PTPN9: variants seen among roughly 807,000 people sequenced by gnomAD.
PTPN9 encodes protein tyrosine phosphatase non-receptor type 9.
A neutral mutation model predicts 69.8 loss-of-function variants in PTPN9; 26 were observed. The observed-to-expected ratio is 0.37, with a 90% CI of 0.27 to 0.52. The LOEUF is 0.52. Ranked by LOEUF, PTPN9 falls within the 20% of genes least tolerant of loss-of-function variation. PTPN9 has a pLI of 0.91. For missense variants in PTPN9, 549 were observed against 740.3 expected (o/e 0.74, Z 3.00); for synonymous variants, 274 against 272.5 (o/e 1.01, Z -0.05).
intron 1 of PTPN9, among the ~76,000 whole-genome samples, chr15:75,534,162 C>T (rs749295264): frequency 3.3e-5 from 5 of 152,162 alleles, no homozygotes; most frequent in Non-Finnish European, 5.9e-5. Flanking sequence ...GAATGAGAAA[C>T]GGATGGAAGA....
chr15:75,508,973 A>C lies in PTPN9; in HGVS notation c.583T>G (p.Phe195Val), dbSNP rs1244773383. The C allele has an allele frequency of 1.2e-6, 2 of 1,614,140 alleles. No homozygotes were observed. Among genetic ancestry groups the C allele is most frequent in the South Asian group, 2.2e-5 (2 of 91,074 alleles). The change falls in exon 6 of 13, where the codon TTC becomes GTC. Residue 195 changes from phenylalanine (F) to valine (V), a missense_variant. This residue lies in a region of PTPN9 where 457 missense variants were observed against 661.9 expected (regional missense o/e 0.69). Coordinates refer to ENST00000618819, the MANE Select transcript of PTPN9 (RefSeq NM_002833.4). ...KVLIVGAPIWFRVPYSIISLL... is the reference protein window; with the variant it reads ...KVLIVGAPIWVRVPYSIISLL... The stretch of plus-strand genomic sequence containing the variant: ...CTGATGATGGAATAGGGCACTCGGA[A>C]CCATATGGGTGCCCCCACAATCAGC...
At chr15:75,552,130 G>A (rs552255146) in intron 1 of PTPN9, among the ~76,000 whole-genome samples, 20 of 152,144 alleles carry the variant, frequency 1.3e-4, no homozygotes, top group Admixed American at 2.6e-4. Flanking sequence ...CGGGCACGGC[G>A]GCTCACGTCT....
intron 1 of PTPN9, among the ~76,000 whole-genome samples, chr15:75,539,703 CCT>C (rs1250134287): frequency 4.0e-5 from 6 of 149,252 alleles, no homozygotes; most frequent in African/African-American, 7.4e-5. Flanking sequence ...ATAGAATCTC[CCT>C]CTGTCACCCA....
intron 4 of PTPN9, among the ~76,000 whole-genome samples, chr15:75,522,185 CTG>C (rs2074908231): frequency 6.6e-6 from 1 of 152,138 alleles, no homozygotes; most frequent in Non-Finnish European, 1.5e-5. Context: ...CATATGATGA[CTG>C]TAAAAAACTT....
At chr15:75,577,675 C>T (rs2075179624) in intron 1 of PTPN9, among the ~76,000 whole-genome samples, 1 of 152,204 alleles carries the variant, frequency 6.6e-6, no homozygotes, top group Non-Finnish European at 1.5e-5. Context: ...ACACTAGAGG[C>T]TGTGCTAGCA....
chr15:75,496,482 C>T (rs974652027), intron 7 of PTPN9, among the ~76,000 whole-genome samples: 2 of 145,792 alleles, frequency 1.4e-5, no homozygotes, highest in Non-Finnish European at 3.0e-5. Flanking sequence ...ATAAAAGTCA[C>T]TAAAAGTATT....
At chr15:75,542,116 G>C (rs1293573612) in intron 1 of PTPN9, among the ~76,000 whole-genome samples, 1 of 152,068 alleles carries the variant, frequency 6.6e-6, no homozygotes, top group Non-Finnish European at 1.5e-5. Context: ...ATGTATATTG[G>C]GAACTCAGAA....
In PTPN9 at chr15:75,496,497, AC is replaced by A. The variant is rs776301698; in HGVS notation, c.969-6197del. Among the ~76,000 whole-genome samples, 27 of 147,606 alleles carry A rather than the reference AC, an allele frequency of 1.8e-4. 3 individuals are homozygous for A. Among genetic ancestry groups the A allele is most frequent in the Admixed American group, 2.7e-4 (4 of 14,822 alleles). ...ATAAAAGTCACTAAAAGTATTATTA[AC>A]TTTTTTTTTTTTTTTTGAGACAGGG... On this transcript the variant is annotated intron_variant, in intron 7 of 12. Coordinates refer to ENST00000618819, the MANE Select transcript of PTPN9 (RefSeq NM_002833.4).
At position 75,466,000 on chromosome 15, in the gene PTPN9, G is replaced by A. The variant is rs1287344067; in HGVS notation, c.*2769C>T. 6.6e-6 allele frequency: 1 copy of A among 152,204 alleles called. No individual in the cohort carries two copies. The highest frequency in any genetic ancestry group is 1.5e-5 in the Non-Finnish European group (1 of 68,028). 9.4% of individuals were successfully genotyped at this position (152,204 alleles called of 1,614,324 possible). On this transcript the variant is annotated 3_prime_UTR_variant, in exon 13 of 13. Transcript: ENST00000618819. ...GGAGGCTCATCTGGAGAAGGAACTA[G>A]ATTAATCTTCTGCTCTACACTTGAG... is the stretch of plus-strand genomic sequence containing the variant.
rs775109400 is a variant in PTPN9, at chr15:75,471,844, G to A, written c.1209-1014C>T. 1.4e-3 allele frequency among the ~76,000 whole-genome samples: 211 copies of A among 151,934 alleles called. 1 individual carries two copies. The highest frequency in any genetic ancestry group is 1.7e-3 in the Non-Finnish European group (115 of 67,950). On this transcript the variant is annotated intron_variant, in intron 10 of 12. Transcript: ENST00000618819. ...GCAGAATAGCTTCAACCTGGGAGGC[G>A]GAGGTTGCAGTGAGCTGAGATCGCA...
rs190387381 is a variant in PTPN9, at chr15:75,554,448, C to T, written c.63+24266G>A. On this transcript the variant is annotated intron_variant, in intron 1 of 12. Transcript: ENST00000618819. ...ACCTCAGGTGATCCGCCCGCCTCAGCCTTCCCAAGTGCCAGAATTACAGGC... is the reference window on the plus strand; with the variant it reads ...ACCTCAGGTGATCCGCCCGCCTCAGTCTTCCCAAGTGCCAGAATTACAGGC... 3.0e-3 allele frequency among the ~76,000 whole-genome samples: 462 copies of T among 152,132 alleles called. 1 individual carries two copies. The highest frequency in any genetic ancestry group is 0.01 in the African/African-American group (434 of 41,538).
At chr15:75,491,081 C>A (rs1012159032) in intron 7 of PTPN9, among the ~76,000 whole-genome samples, 3 of 151,946 alleles carry the variant, frequency 2.0e-5, no homozygotes, top group Admixed American at 6.6e-5. Flanking sequence ...TGCACACCAG[C>A]CTGGGTGACG....
intron 1 of PTPN9, 137 bp downstream of exon 1, chr15:75,578,577 G>C: frequency 3.0e-6 from 2 of 658,092 alleles, no homozygotes; most frequent in Non-Finnish European, 4.2e-6. Flanking sequence ...TCGCCGGTGA[G>C]GGAGGCCCGC....
chr15:75,487,536 T>C (rs1212017498), intron 8 of PTPN9: 1 of 152,204 alleles, frequency 6.6e-6, no homozygotes, highest in East Asian at 1.9e-4. Flanking sequence ...GTGTCTGATA[T>C]GTGGCAGGCA....
chr15:75,556,236 G>C (rs2075076780), intron 1 of PTPN9, among the ~76,000 whole-genome samples: 1 of 151,098 alleles, frequency 6.6e-6, no homozygotes, highest in African/African-American at 2.4e-5. Flanking sequence ...GCTAATTTTT[G>C]TATTTTTAGT....
At position 75,524,260 on chromosome 15, in the gene PTPN9, A is replaced by C. The variant is rs1249483192; in HGVS notation, c.246T>G (p.Pro82=). 1 of 1,612,838 alleles carries C rather than the reference A, an allele frequency of 6.2e-7. No individual in the cohort carries two copies. The highest frequency in any genetic ancestry group is 8.5e-7 in the Non-Finnish European group (1 of 1,179,104). The change falls in exon 3 of 13, where the codon CCT becomes CCG. Residue 82 remains proline, a synonymous_variant. Transcript: ENST00000618819. ...TCTCAGAACGAAGAGGTTCCTCATGAGGTTTCAGCTTTACAATGCCTTCCT... is the reference window on the plus strand; with the variant it reads ...TCTCAGAACGAAGAGGTTCCTCATGCGGTTTCAGCTTTACAATGCCTTCCT... ...RRKEGIVKLK[P]HEEPLRSEIL... is the part of the protein sequence containing the mutation.
At chr15:75,503,648 C>T (rs2074790527) in intron 7 of PTPN9, among the ~76,000 whole-genome samples, 1 of 62,556 alleles carries the variant, frequency 1.6e-5, no homozygotes, top group South Asian at 5.5e-4. Context: ...TGAGGGGCGC[C>T]TCTGCCCAGC....
chr15:75,470,063 CT>C, intron 11 of PTPN9, 64 bp from the exon 12 acceptor site: 1 of 1,440,364 alleles, frequency 6.9e-7, no homozygotes, highest in Non-Finnish European at 9.6e-7. Context: ...CTACCTCTGG[CT>C]TTTCCAGATT....
At chr15:75,507,595 G>A (rs374371147) in intron 6 of PTPN9, among the ~76,000 whole-genome samples, 4 of 151,600 alleles carry the variant, frequency 2.6e-5, no homozygotes, top group Non-Finnish European at 4.4e-5. Flanking sequence ...GTGAAACTCC[G>A]TCTCTACTAA....
Sources: allele counts gnomAD v4.1 joint callset (sites outside exome capture counted in the v4.1 genomes callset), GRCh38; gene constraint gnomAD v4.1.1; regional missense constraint gnomAD v4.1.1; transcripts MANE v1.5; gene names NCBI Gene and HGNC (gene_info 2026-07-23, HGNC 2026-07-21).